CREBZF: variants seen among roughly 807,000 people sequenced by gnomAD.
CREBZF encodes CREB/ATF bZIP transcription factor.
A neutral mutation model predicts 21.1 loss-of-function variants in CREBZF; 8 were observed. The observed-to-expected ratio is 0.38, with a 90% confidence interval of 0.22 to 0.68. The LOEUF is 0.68. Ranked by LOEUF, CREBZF falls within the 30% of genes least tolerant of loss-of-function variation. CREBZF has a pLI of 0.51. For synonymous variants in CREBZF, 270 were observed against 223.3 expected (o/e 1.21, Z -1.86); for missense variants, 518 against 484.3 (o/e 1.07, Z -0.65).
At chr11:85,665,910 A>G (rs775803284), upstream of CREBZF, among the ~76,000 whole-genome samples, 159 of 152,194 alleles carry the variant, frequency 1.0e-3, no homozygotes, top group Non-Finnish European at 1.3e-3. Context: ...ACAACGTTGC[A>G]CAAAGACCAT....
upstream of CREBZF, among the ~76,000 whole-genome samples, chr11:85,667,765 C>T (rs1262669048): frequency 1.3e-5 from 2 of 152,042 alleles, no homozygotes; most frequent in Admixed American, 6.5e-5. Context: ...CAAGACCAGC[C>T]TGGCCAACAT....
At chr11:85,674,882 A>G (rs1182025665) in intron 1 of CREBZF, among the ~76,000 whole-genome samples, 2 of 151,950 alleles carry the variant, frequency 1.3e-5, no homozygotes, top group Non-Finnish European at 2.9e-5. Context: ...ATTCCAAATC[A>G]TTTCTTCTCC....
chr11:85,666,309 T>C (rs918008827), upstream of CREBZF, among the ~76,000 whole-genome samples: 2 of 152,192 alleles, frequency 1.3e-5, no homozygotes, highest in African/African-American at 4.8e-5. Context: ...CATTAGAATA[T>C]AGTAAAACAA....
At chr11:85,665,917 C>T (rs1209734072), upstream of CREBZF, among the ~76,000 whole-genome samples, 2 of 152,172 alleles carry the variant, frequency 1.3e-5, no homozygotes. Flanking sequence ...TGCACAAAGA[C>T]CATCACGACC....
intron 1 of CREBZF, among the ~76,000 whole-genome samples, chr11:85,673,095 A>G (rs773106042): frequency 2.6e-5 from 4 of 152,160 alleles, no homozygotes; most frequent in Non-Finnish European, 5.9e-5. Flanking sequence ...CTTTTGTTTC[A>G]GCTTTTACGT....
Position 85,664,116 on chromosome 11 carries a change from C to T in CREBZF, c.760G>A (p.Gly254Ser), listed in dbSNP as rs1329517731. ...TCCTGCAGTGCCTGTACGCGTTTGC[C>T]CAGCTCCCGATTCTCGGCCCGCAGC... Reference protein sequence around the residue: ...QELRAENRELGKRVQALQEES... With the variant: ...QELRAENRELSKRVQALQEES... The change falls in exon 1 of 1, where the codon GGC (glycine) becomes AGC (serine). Residue 254 changes from glycine (G) to serine (S), a missense_variant. Physicochemically the swap from Gly to Ser is moderately conservative, Grantham distance 56. Transcript: ENST00000527447. The surrounding 1 kb of genome is among the most constrained non-coding windows in gnomAD (Gnocchi z 5.5). 3 of 1,613,634 alleles carry T rather than the reference C, an allele frequency of 1.9e-6. No individual in the cohort carries two copies. The highest frequency in any genetic ancestry group is 1.7e-5 in the Admixed American group (1 of 60,024).
rs1328804382 is a variant in CREBZF, at chr11:85,664,184, C to G, written c.692G>C (p.Gly231Ala). 2 of 1,613,490 alleles carry G rather than the reference C, an allele frequency of 1.2e-6. No individual in the cohort carries two copies. Among genetic ancestry groups the G allele is most frequent in the Admixed American group, 1.7e-5 (1 of 60,026 alleles). The change falls in exon 1 of 1, where the codon GGG (glycine) becomes GCG (alanine). Residue 231 changes from glycine to alanine, a missense_variant. Coordinates refer to ENST00000527447, the MANE Select transcript of CREBZF (RefSeq NM_001039618.4). This position sits in a 1 kb window ranked among gnomAD's most constrained non-coding sequence, Gnocchi z 5.5. ...CAGACCCCGGACTCGACTCTCCAGC[C>G]CCATCACGTACTCCTTCTTCTTCAG... The part of the protein sequence containing the change: ...NRLKKKEYVM[G>A]LESRVRGLAA...
In CREBZF at chr11:85,662,064, G is replaced by A. The variant is rs2082701114; in HGVS notation, c.*1747C>T. The stretch of plus-strand genomic sequence containing the variant: ...TTGCTCCTGCCCTTAGGTATAAGCA[G>A]GTTCATCACTCCAATTTGTGAGTTT... On this transcript the variant is annotated 3_prime_UTR_variant, in exon 1 of 1. Coordinates refer to ENST00000527447, the MANE Select transcript of CREBZF (RefSeq NM_001039618.4). The A allele has an allele frequency of 4.4e-6, 1 of 229,770 alleles. No individual in the cohort carries two copies. The highest frequency in any genetic ancestry group is 5.0e-5 in the Admixed American group (1 of 19,944). The allele number at this position is 229,770 out of a possible 1,614,324, so 14.2% of individuals were successfully genotyped here.
At position 85,664,163 on chromosome 11, in the gene CREBZF, C is replaced by A; in HGVS notation, c.713G>T (p.Gly238Val). The change falls in exon 1 of 1, where the codon GGT (glycine) becomes GTT (valine). Residue 238 changes from glycine to valine, a missense_variant. Coordinates refer to ENST00000527447, the MANE Select transcript of CREBZF (RefSeq NM_001039618.4). The surrounding 1 kb of genome is among the most constrained non-coding windows in gnomAD (Gnocchi z 5.5). ...CAGCTCCTGGTTCTCGGCTGCCAGA[C>A]CCCGGACTCGACTCTCCAGCCCCAT... ...YVMGLESRVRGLAAENQELRA... is the reference protein window; with the variant it reads ...YVMGLESRVRVLAAENQELRA... The A allele has an allele frequency of 6.2e-7, 1 of 1,613,566 alleles. No individual in the cohort carries two copies. The highest frequency in any genetic ancestry group is 1.7e-5 in the Admixed American group (1 of 60,030).
Position 85,664,698 on chromosome 11 carries a change from C to T in CREBZF, c.178G>A (p.Glu60Lys), listed in dbSNP as rs2082808926. 1 of 1,602,716 alleles carries T rather than the reference C, an allele frequency of 6.2e-7. No homozygotes were observed. Among genetic ancestry groups the T allele is most frequent in the Non-Finnish European group, 8.5e-7 (1 of 1,176,046 alleles). ...SPGRKQQFGD[E>K]GELEAGRGSR... ...CCCCTCCCGGCTTCCAACTCTCCTT[C>T]GTCGCCAAACTGCTGCTTGCGGCCG... Residue 60 changes from glutamate (E) to lysine (K), a missense_variant, in exon 1 of 1, where the codon GAA becomes AAA. Glu to Lys is a moderately conservative substitution (Grantham distance 56). Coordinates refer to ENST00000527447, the MANE Select transcript of CREBZF (RefSeq NM_001039618.4). The surrounding 1 kb of genome is among the most constrained non-coding windows in gnomAD (Gnocchi z 5.5).
At position 85,664,460 on chromosome 11, in the gene CREBZF, C is replaced by T. The variant is rs199786342; in HGVS notation, c.416G>A (p.Ser139Asn). 6.2e-7 allele frequency: 1 copy of T among 1,613,544 alleles called. No homozygotes were observed. Among genetic ancestry groups the T allele is most frequent in the East Asian group, 2.2e-5 (1 of 44,870 alleles). The change falls in exon 1 of 1, where the codon AGC becomes AAC. Residue 139 changes from serine (S) to asparagine (N), a missense_variant. Ser to Asn is a conservative substitution (Grantham distance 46). Around this residue, in one of 3 missense-constraint regions of CREBZF, gnomAD observed 396 missense variants for 324.4 expected, o/e 1.22. Coordinates refer to ENST00000527447, the MANE Select transcript of CREBZF (RefSeq NM_001039618.4). This position sits in a 1 kb window ranked among gnomAD's most constrained non-coding sequence, Gnocchi z 5.5. ...PLSSSGGGSD[S>N]GGLWRGDDDD... ...ATCGTCCCCTCTCCACAGGCCGCCG[C>T]TATCCGAGCCTCCGCCAGACGAGGA...
At position 85,664,548 on chromosome 11, in the gene CREBZF, G is replaced by T. The variant is rs772198177; in HGVS notation, c.328C>A (p.Leu110Ile). Residue 110 changes from leucine to isoleucine, a missense_variant, in exon 1 of 1, where the codon CTC (leucine) becomes ATC (isoleucine). Around this residue, in one of 3 missense-constraint regions of CREBZF, gnomAD observed 396 missense variants for 324.4 expected, o/e 1.22. Coordinates refer to ENST00000527447, the MANE Select transcript of CREBZF (RefSeq NM_001039618.4). This position sits in a 1 kb window ranked among gnomAD's most constrained non-coding sequence, Gnocchi z 5.5. Reference protein sequence around the residue: ...DFLSGLELADLLDPRQPDWHL... With the variant: ...DFLSGLELADILDPRQPDWHL... ...CAGTCCGGTTGCCTGGGGTCCAGGA[G>T]ATCCGCCAGTTCCAGCCCAGACAGA... 1 of 1,613,910 alleles carries T rather than the reference G, an allele frequency of 6.2e-7. No individual in the cohort carries two copies. The highest frequency in any genetic ancestry group is 2.2e-5 in the East Asian group (1 of 44,836).
chr11:85,674,471 A>G (rs1389808016), intron 1 of CREBZF, among the ~76,000 whole-genome samples: 1 of 152,228 alleles, frequency 6.6e-6, no homozygotes, highest in Admixed American at 6.5e-5. Flanking sequence ...CATTCCACTT[A>G]TAGATCACAG....
In CREBZF at chr11:85,665,072, C is replaced by A. The variant is rs1479129048; in HGVS notation, c.-197G>T. ...CGCGGGGAGGGACGGGAGAACGAAGCGGTGAGGCCCTGCGATGACTCGACC... is the reference window on the plus strand; with the variant it reads ...CGCGGGGAGGGACGGGAGAACGAAGAGGTGAGGCCCTGCGATGACTCGACC... On this transcript the variant is annotated 5_prime_UTR_variant, in exon 1 of 1. Coordinates refer to ENST00000527447, the MANE Select transcript of CREBZF (RefSeq NM_001039618.4). 5 of 436,704 alleles carry A rather than the reference C, an allele frequency of 1.1e-5. No individual in the cohort carries two copies. The East Asian group carries it at 1.4e-4, about 12-fold the overall frequency. 27.1% of individuals were successfully genotyped at this position (436,704 alleles called of 1,614,324 possible).
At chr11:85,673,283 G>C (rs901643793) in intron 1 of CREBZF, among the ~76,000 whole-genome samples, 13 of 152,140 alleles carry the variant, frequency 8.5e-5, no homozygotes, top group African/African-American at 3.1e-4. Flanking sequence ...GTTTTTCTGA[G>C]TAGATATAGT....
chr11:85,664,900 G>T lies in CREBZF; in HGVS notation c.-25C>A. 7.0e-7 allele frequency: 1 copy of T among 1,433,638 alleles called. No homozygotes were observed. Among genetic ancestry groups the T allele is most frequent in the Non-Finnish European group, 9.1e-7 (1 of 1,098,838 alleles). 88.8% of individuals were successfully genotyped at this position (1,433,638 alleles called of 1,614,324 possible). A position where few individuals can be genotyped will look rare whatever the true frequency, so the allele number is the denominator to read the frequency against. On this transcript the variant is annotated 5_prime_UTR_variant, in exon 1 of 1. Transcript: ENST00000527447. This position sits in a 1 kb window ranked among gnomAD's most constrained non-coding sequence, Gnocchi z 5.5. ...TGAGGGCCAGCGGCGGGCCGCGGTA[G>T]GCCCCGGCCGCTAAGAGTGGGCCTC...
At chr11:85,678,372 T>C (rs1479723460) in intron 1 of CREBZF, among the ~76,000 whole-genome samples, 1 of 152,198 alleles carries the variant, frequency 6.6e-6, no homozygotes, top group Non-Finnish European at 1.5e-5. Flanking sequence ...TGTATTTTTT[T>C]TTTTAACAGA....
chr11:85,667,731 GT>G (rs2082882268), upstream of CREBZF, among the ~76,000 whole-genome samples: 1 of 152,096 alleles, frequency 6.6e-6, no homozygotes, highest in Non-Finnish European at 1.5e-5. Context: ...GCCAAGGCAG[GT>G]GGAGCACTTA....
chr11:85,682,218 CT>C (rs1003479239), intron 1 of CREBZF, among the ~76,000 whole-genome samples: 14 of 151,872 alleles, frequency 9.2e-5, no homozygotes, highest in Non-Finnish European at 1.5e-4. Context: ...CTTAGTCTCC[CT>C]TTTTTTTCAT....
Sources: allele counts gnomAD v4.1 joint callset (sites outside exome capture counted in the v4.1 genomes callset), GRCh38; gene constraint gnomAD v4.1.1; regional missense constraint gnomAD v4.1.1; non-coding constraint Gnocchi (gnomAD v3.1); transcripts MANE v1.5; gene names NCBI Gene and HGNC (gene_info 2026-07-23, HGNC 2026-07-21).